The following AP3S2 variants were observed in gnomAD, a reference collection of about 807,000 sequenced individuals.
AP3S2 encodes the protein adaptor related protein complex 3 subunit sigma 2.
AP3S2 carries 22 observed loss-of-function variants against 23.4 expected under a neutral mutation model. The ratio of observed to expected loss-of-function variants is 0.94; its 90% CI spans 0.67 to 1.34. AP3S2 has a LOEUF of 1.34. AP3S2 is among the 40% of genes most tolerant of loss of function. The pLI, the probability that AP3S2 is intolerant of heterozygous loss-of-function variation, is 0.00. For synonymous variants in AP3S2, 86 were observed against 87.1 expected (o/e 0.99, Z 0.07); for missense variants, 241 against 236.9 (o/e 1.02, Z -0.11).
intron 3 of AP3S2, among the ~76,000 whole-genome samples, chr15:89,884,813 AT>A (rs528763056): frequency 6.6e-6 from 1 of 151,546 alleles, no homozygotes; most frequent in Non-Finnish European, 1.5e-5. Flanking sequence ...CACCCAGCTA[AT>A]TTTTTTTGTA....
At chr15:89,837,019 G>A (rs573681663) in intron 5 of AP3S2, among the ~76,000 whole-genome samples, 4 of 152,322 alleles carry the variant, frequency 2.6e-5, no homozygotes, top group Admixed American at 1.3e-4. Flanking sequence ...GCTGAGGAAG[G>A]GGACGGCGAG....
At chr15:89,886,321 G>A (rs1354593557) in intron 3 of AP3S2, among the ~76,000 whole-genome samples, 1 of 151,946 alleles carries the variant, frequency 6.6e-6, no homozygotes, top group Non-Finnish European at 1.5e-5. Flanking sequence ...CTCTAGACTG[G>A]CAACAGAGCA....
chr15:89,859,260 CTTTT>C lies in AP3S2; in HGVS notation c.345+12211_345+12214del, dbSNP rs545738255. ...TTCTTTCTTTTTCCCTCCTTCCTTC[CTTTT>C]TTTCTTTTCTTTCTTTCCTTTTTTC... On this transcript the variant is annotated intron_variant, in intron 4 of 5. Coordinates refer to ENST00000336418, the MANE Select transcript of AP3S2 (RefSeq NM_005829.5). Among the ~76,000 whole-genome samples, 13 of 149,254 alleles carry C rather than the reference CTTTT, an allele frequency of 8.7e-5. No individual in the cohort carries two copies. The East Asian group carries it at 2.2e-3, about 25-fold the overall frequency.
intron 4 of AP3S2, chr15:89,852,588 G>A (rs1361634374): frequency 6.6e-6 from 1 of 152,214 alleles, no homozygotes; most frequent in Non-Finnish European, 1.5e-5. Context: ...GAGCAACACA[G>A]AGTAAGTCCC....
At chr15:89,889,425 C>G in intron 1 of AP3S2, 3 of 329,168 alleles carry the variant, frequency 9.1e-6, no homozygotes, top group South Asian at 3.9e-5. Context: ...AGAAAAGGAA[C>G]ATTGATAAAC....
chr15:89,859,462 C>T (rs1429445579), intron 4 of AP3S2, among the ~76,000 whole-genome samples: 1 of 140,614 alleles, frequency 7.1e-6, no homozygotes, highest in East Asian at 2.3e-4. Context: ...GGCGCGACCT[C>T]GGCTCACTGC....
At chr15:89,878,820 C>T (rs995165142) in intron 3 of AP3S2, among the ~76,000 whole-genome samples, 2 of 152,190 alleles carry the variant, frequency 1.3e-5, no homozygotes, top group Non-Finnish European at 2.9e-5. Context: ...GATCTCGGCT[C>T]GCTGCAACCT....
At chr15:89,886,685 A>C (rs919666093) in intron 3 of AP3S2, 1 of 152,248 alleles carries the variant, frequency 6.6e-6, no homozygotes, top group Non-Finnish European at 1.5e-5. Context: ...TGCTACATAC[A>C]GTTAACAGTA....
chr15:89,885,198 CTT>C (rs1420268147), intron 3 of AP3S2, among the ~76,000 whole-genome samples: 1 of 150,268 alleles, frequency 6.7e-6, no homozygotes, highest in African/African-American at 2.4e-5. Context: ...GTTTTTTGTT[CTT>C]GTTTTTTTTT....
intron 3 of AP3S2, among the ~76,000 whole-genome samples, chr15:89,882,261 A>G (rs184235048): frequency 6.6e-6 from 1 of 152,186 alleles, no homozygotes; most frequent in African/African-American, 2.4e-5. Context: ...ATTCATATTA[A>G]TTAAAAAAAG....
intron 4 of AP3S2, among the ~76,000 whole-genome samples, chr15:89,870,102 T>A (rs1271706132): frequency 6.6e-6 from 1 of 152,060 alleles, no homozygotes; most frequent in East Asian, 1.9e-4. Flanking sequence ...ACCTCTCCAT[T>A]CCCCCTATAT....
At chr15:89,875,008 C>T (rs567311319) in intron 3 of AP3S2, among the ~76,000 whole-genome samples, 6 of 152,128 alleles carry the variant, frequency 3.9e-5, no homozygotes, top group African/African-American at 1.4e-4. Context: ...ATAAAAATAT[C>T]TAACAGATAT....
intron 4 of AP3S2, among the ~76,000 whole-genome samples, chr15:89,859,955 A>T (rs576402316): frequency 6.6e-6 from 1 of 151,218 alleles, no homozygotes; most frequent in Non-Finnish European, 1.5e-5. Flanking sequence ...TAGTAGAGAC[A>T]GGGTTTCACC....
chr15:89,871,695 A>G (rs112335100), intron 3 of AP3S2, 149 bp from the exon 4 acceptor site: 1 of 774,000 alleles, frequency 1.3e-6, no homozygotes, highest in Non-Finnish European at 2.0e-6. Flanking sequence ...TTTTGTCTCC[A>G]GCATTAGCTG....
intron 3 of AP3S2, among the ~76,000 whole-genome samples, chr15:89,881,961 C>T (rs981894472): frequency 1.3e-5 from 2 of 152,014 alleles, no homozygotes; most frequent in African/African-American, 4.8e-5. Context: ...GCTGGGATTA[C>T]AGGTGCATAC....
chr15:89,888,873 C>A (rs189137362), intron 2 of AP3S2, among the ~76,000 whole-genome samples, 176 bp downstream of exon 2: 1 of 152,272 alleles, frequency 6.6e-6, no homozygotes, highest in African/African-American at 2.4e-5. Context: ...ATATCAGAAG[C>A]ACAATAATTG....
At chr15:89,864,636 C>A in intron 4 of AP3S2, among the ~76,000 whole-genome samples, 1 of 151,534 alleles carries the variant, frequency 6.6e-6, no homozygotes, top group South Asian at 2.1e-4. Context: ...TCTCGGCTGC[C>A]GGGTTCAAGT....
chr15:89,888,267 G>C (rs1184156450), intron 3 of AP3S2, among the ~76,000 whole-genome samples: 3 of 152,094 alleles, frequency 2.0e-5, no homozygotes, highest in Non-Finnish European at 4.4e-5. Flanking sequence ...TAAGCAGACT[G>C]TGGGCCACCA....
At chr15:89,841,863 A>C (rs772856250) in intron 4 of AP3S2, among the ~76,000 whole-genome samples, 12 of 152,202 alleles carry the variant, frequency 7.9e-5, no homozygotes, top group Non-Finnish European at 1.8e-4. Flanking sequence ...TACAACGAGA[A>C]AAAATTAGGA....
Sources: allele counts gnomAD v4.1 joint callset (sites outside exome capture counted in the v4.1 genomes callset), GRCh38; gene constraint gnomAD v4.1.1; transcripts MANE v1.5; gene names NCBI Gene and HGNC (gene_info 2026-07-23, HGNC 2026-07-21).